ZNF655: variants seen among roughly 807,000 people sequenced by gnomAD.
ZNF655 encodes the protein zinc finger protein 655.
ZNF655 carries 3 observed loss-of-function variants against 6.6 expected under a neutral mutation model. The observed-to-expected ratio is 0.46, with a 90% CI of 0.21 to 1.18. The LOEUF (loss-of-function observed/expected upper bound fraction) is 1.18. ZNF655 is among the 50% of genes most tolerant of loss of function. The probability of loss-of-function intolerance (pLI) is 0.24; values close to 1 mark genes in which losing one functional copy is unlikely to be tolerated. For missense variants in ZNF655, 526 were observed against 572.3 expected, an observed-to-expected ratio of 0.92 and a Z score of 0.83; for synonymous variants, 178 against 195.0, an observed-to-expected ratio of 0.91 and a Z score of 0.73.
Position 99,572,603 on chromosome 7 carries a change from C to T in ZNF655, c.495C>T (p.Ser165=). The change falls in exon 3 of 3, where the codon AGC becomes AGT. Residue 165 remains serine (S), a synonymous_variant. Transcript: ENST00000252713. The part of the protein sequence containing the change: ...NTDDNDKYDM[S]FNQNSASGKH... Reference sequence around the variant, plus strand: ...ATGACAATGATAAGTATGACATGAGCTTCAACCAGAATTCAGCCTCTGGTA... The same window carrying T: ...ATGACAATGATAAGTATGACATGAGTTTCAACCAGAATTCAGCCTCTGGTA... 6.2e-7 allele frequency: 1 copy of T among 1,613,706 alleles called. No homozygotes were observed.
chr7:99,572,480 C>CA lies in ZNF655; in HGVS notation c.373dup (p.Ser125LysfsTer2). The CA allele has an allele frequency of 1.2e-6, 2 of 1,613,912 alleles. No homozygotes were observed. Among genetic ancestry groups the CA allele is most frequent in the Non-Finnish European group, 1.7e-6 (2 of 1,179,938 alleles). Reference sequence around the variant, plus strand: ...TAACAATCAGCAAGGAAACCTTCACCAGTGAGAAGAACAATGAATGTCATG... The same window carrying CA: ...TAACAATCAGCAAGGAAACCTTCACCAAGTGAGAAGAACAATGAATGTCATG... On this transcript the variant is annotated frameshift_variant, in exon 3 of 3. Transcript: ENST00000252713. LOFTEE classifies it low-confidence loss of function (END_TRUNC).
rs1416337919 is a variant in ZNF655 at position 99,574,502 on chromosome 7, A to C, written c.*918A>C. On this transcript the variant is annotated 3_prime_UTR_variant, in exon 3 of 3. Transcript: ENST00000252713. ...AAGCGATCCTCCCACCTGTCCTCCC[A>C]AAGTGCTGGGGTTACAGGCGTGTGT... The C allele has an allele frequency of 6.6e-6, 1 of 152,172 alleles. No individual in the cohort carries two copies. The highest frequency in any genetic ancestry group is 1.5e-5 in the Non-Finnish European group (1 of 68,042). The allele number at this position is 152,172 out of a possible 1,614,324, so 9.4% of individuals were successfully genotyped here. A position where few individuals can be genotyped will look rare whatever the true frequency, so the allele number is the denominator to read the frequency against.
At chr7:99,571,258 A>C in intron 2 of ZNF655, 1 of 1,289,276 alleles carries the variant, frequency 7.8e-7, no homozygotes, top group Non-Finnish European at 1.0e-6. Flanking sequence ...CTCTTGCTAC[A>C]GGTTAGCTAA....
intron 2 of ZNF655, 133 bp downstream of exon 2, chr7:99,560,828 G>C: frequency 8.8e-7 from 1 of 1,139,290 alleles, no homozygotes; most frequent in East Asian, 2.4e-5. Flanking sequence ...GAATGAAAGA[G>C]GGGGCAGATG....
chr7:99,569,903 T>A (rs1302550713), intron 2 of ZNF655, among the ~76,000 whole-genome samples: 1 of 152,214 alleles, frequency 6.6e-6, no homozygotes, highest in Non-Finnish European at 1.5e-5. Context: ...AGTGCACCTG[T>A]CACTGGAATA....
intron 2 of ZNF655, chr7:99,564,122 G>A: frequency 6.6e-7 from 1 of 1,516,106 alleles, no homozygotes; most frequent in Admixed American, 2.3e-5. Flanking sequence ...TAAAATCGCA[G>A]CTCCTCAAAT....
intron 2 of ZNF655, chr7:99,570,961 T>C (rs1804011156): frequency 5.9e-6 from 1 of 168,106 alleles, no homozygotes; most frequent in Non-Finnish European, 1.3e-5. Flanking sequence ...AAAGACTGTT[T>C]TATGTGAAGA....
At chr7:99,565,972 A>G (rs1312224018) in intron 2 of ZNF655, among the ~76,000 whole-genome samples, 1 of 148,908 alleles carries the variant, frequency 6.7e-6, no homozygotes, top group Non-Finnish European at 1.5e-5. Context: ...GTATGTATAC[A>G]CACACACACA....
rs754562654 is a variant in ZNF655 at position 99,571,523 on chromosome 7, C to A, written c.137-722C>A. 5.4e-5 allele frequency: 58 copies of A among 1,071,424 alleles called. 1 individual carries two copies. The Middle Eastern group carries it at 4.5e-3, about 83-fold the overall frequency. 66.4% of individuals were successfully genotyped at this position (1,071,424 alleles called of 1,614,324 possible). A position where few individuals can be genotyped will look rare whatever the true frequency, so the allele number is the denominator to read the frequency against. ...ACACACATCCCTCTAGAGCACAAATCTGAGCTCCTTGTAGATCTTTGCCCT... is the reference window on the plus strand; with the variant it reads ...ACACACATCCCTCTAGAGCACAAATATGAGCTCCTTGTAGATCTTTGCCCT... On this transcript the variant is annotated intron_variant, in intron 2 of 2. Coordinates refer to ENST00000252713, the MANE Select transcript of ZNF655 (RefSeq NM_138494.3).
At position 99,574,393 on chromosome 7, in the gene ZNF655, CTTT is replaced by C. The variant is rs1237515578; in HGVS notation, c.*813_*815del. The C allele has an allele frequency of 6.6e-6, 1 of 152,156 alleles. No individual in the cohort carries two copies. Among genetic ancestry groups the C allele is most frequent in the Admixed American group, 6.5e-5 (1 of 15,270 alleles). The allele number at this position is 152,156 out of a possible 1,614,324, so 9.4% of individuals were successfully genotyped here. A position where few individuals can be genotyped will look rare whatever the true frequency, so the allele number is the denominator to read the frequency against. On this transcript the variant is annotated 3_prime_UTR_variant, in exon 3 of 3. Transcript: ENST00000252713. ...TTCTAAGTAGGTACGTTTATTTTTA[CTTT>C]TTTATTATAATTTTGATATTAAAAA...
intron 2 of ZNF655, among the ~76,000 whole-genome samples, chr7:99,568,284 G>A (rs1000485501): frequency 7.2e-6 from 1 of 138,470 alleles, no homozygotes; most frequent in Admixed American, 7.3e-5. Flanking sequence ...TTTTTGAAAT[G>A]GAGTCTCCCA....
Position 99,564,250 on chromosome 7 carries a change from GA to G in ZNF655, c.136+3560del, listed in dbSNP as rs528842226. ...GGTGGTCATCATCTACTTGTATTGT[GA>G]AAAACCAGAAATTCCAAATTCAGCT... On this transcript the variant is annotated intron_variant, in intron 2 of 2. Coordinates refer to ENST00000252713, the MANE Select transcript of ZNF655 (RefSeq NM_138494.3). The G allele has an allele frequency of 2.6e-4, 344 of 1,340,856 alleles. 4 individuals are homozygous for G. The South Asian group carries it at 6.7e-3, about 26-fold the overall frequency. 83.1% of individuals were successfully genotyped at this position (1,340,856 alleles called of 1,614,324 possible).
chr7:99,563,865 A>C (rs1376002975), intron 2 of ZNF655: 3 of 1,609,124 alleles, frequency 1.9e-6, no homozygotes, highest in Non-Finnish European at 2.5e-6. Flanking sequence ...CTTTGTAGGC[A>C]TACTTCTCCG....
rs1804195805 is a variant in ZNF655 at position 99,573,016 on chromosome 7, A to T, written c.908A>T (p.Tyr303Phe). The change falls in exon 3 of 3, where the codon TAC becomes TTC. Residue 303 changes from tyrosine to phenylalanine, a missense_variant. Transcript: ENST00000252713. ...HKKIHTRAKS[Y>F]KCSSCERVFS... ...AAAATTCACACCAGAGCCAAATCTTACAAATGTAGCAGTTGTGAAAGAGTC... is the reference window on the plus strand; with the variant it reads ...AAAATTCACACCAGAGCCAAATCTTTCAAATGTAGCAGTTGTGAAAGAGTC... 6.2e-7 allele frequency: 1 copy of T among 1,614,054 alleles called. No homozygotes were observed.
chr7:99,565,798 T>C (rs550065875), intron 2 of ZNF655, among the ~76,000 whole-genome samples: 67 of 152,316 alleles, frequency 4.4e-4, no homozygotes, highest in Non-Finnish European at 7.6e-4. Flanking sequence ...AAATTCTAAT[T>C]GATATTAACT....
chr7:99,574,845 G>T lies in ZNF655; in HGVS notation c.*1261G>T, dbSNP rs1317606478. ...TCCATTCTCTTAAGCACCTTTAGAAGATTTAGAAGTTTCCTAGTTTTAAGT... is the reference window on the plus strand; with the variant it reads ...TCCATTCTCTTAAGCACCTTTAGAATATTTAGAAGTTTCCTAGTTTTAAGT... On this transcript the variant is annotated 3_prime_UTR_variant, in exon 3 of 3. Coordinates refer to ENST00000252713, the MANE Select transcript of ZNF655 (RefSeq NM_138494.3). The T allele has an allele frequency of 6.6e-6, 1 of 152,166 alleles. No homozygotes were observed. The highest frequency in any genetic ancestry group is 1.5e-5 in the Non-Finnish European group (1 of 68,036). 9.4% of individuals were successfully genotyped at this position (152,166 alleles called of 1,614,324 possible).
intron 2 of ZNF655, among the ~76,000 whole-genome samples, chr7:99,572,032 C>T (rs1804121444): frequency 6.6e-6 from 1 of 152,166 alleles, no homozygotes; most frequent in Non-Finnish European, 1.5e-5. Context: ...CCTATTATTT[C>T]CTTACTCTGC....
intron 2 of ZNF655, among the ~76,000 whole-genome samples, chr7:99,561,489 A>G (rs1464031960): frequency 1.3e-5 from 2 of 152,182 alleles, no homozygotes; most frequent in African/African-American, 4.8e-5. Flanking sequence ...CACAAGAGAA[A>G]CGCTGATCAA....
At chr7:99,559,225 C>T (rs945173447) in intron 1 of ZNF655, among the ~76,000 whole-genome samples, 2 of 152,202 alleles carry the variant, frequency 1.3e-5, no homozygotes, top group Non-Finnish European at 2.9e-5. Context: ...CAGCTCTTAC[C>T]TGCGTTGCTC....
Sources: gnomAD v4.1 joint callset for allele counts (sites outside exome capture counted in the v4.1 genomes callset) on GRCh38, gnomAD v4.1.1 for gene constraint, MANE v1.5 for transcripts, NCBI Gene and HGNC (gene_info 2026-07-23, HGNC 2026-07-21) for gene names.